Variants in DNMT3B observed in about 807,000 individuals in gnomAD.
The protein encoded by DNMT3B is DNA (cytosine-5)-methyltransferase 3B.
DNMT3B carries 37 observed loss-of-function variants against 120.2 expected under a neutral mutation model. The ratio of observed to expected loss-of-function variants is 0.31; its 90% CI spans 0.24 to 0.40. The LOEUF (loss-of-function observed/expected upper bound fraction) is 0.40. Ranked by LOEUF, DNMT3B falls within the 10% of genes least tolerant of loss-of-function variation. DNMT3B has a pLI of 1.00. For missense variants in DNMT3B, 878 were observed against 1,137.3 expected (o/e 0.77, Z 3.28); for synonymous variants, 412 against 442.8 (o/e 0.93, Z 0.87).
intron 1 of DNMT3B, among the ~76,000 whole-genome samples, chr20:32,767,091 C>G (rs529586281): frequency 6.6e-5 from 10 of 152,018 alleles, no homozygotes; most frequent in African/African-American, 2.4e-4. Flanking sequence ...GGGGTTTCTC[C>G]ATGTTGGTCA....
At chr20:32,780,544 GGA>G (rs1311075405) in intron 2 of DNMT3B, 79 bp downstream of exon 2, 2 of 1,569,436 alleles carry the variant, frequency 1.3e-6, no homozygotes, top group African/African-American at 1.3e-5. Context: ...GAGGCTTTGG[GGA>G]GAGTCTCTGA....
rs188520141 is a variant in DNMT3B, at chr20:32,795,703, C to T, written c.1297+9C>T. Reference sequence around the variant, plus strand: ...CAAGAGCAGCCTGGAAGGTAACGTTCTCTCCCTCCCAGTCATCCCCCTCAC... The same window carrying T: ...CAAGAGCAGCCTGGAAGGTAACGTTTTCTCCCTCCCAGTCATCCCCCTCAC... On this transcript the variant is annotated intron_variant, in intron 12 of 22. Transcript: ENST00000328111. 73 of 1,614,082 alleles carry T rather than the reference C, an allele frequency of 4.5e-5. 1 individual carries two copies. The African/African-American group carries it at 8.7e-4, about 19-fold the overall frequency.
At chr20:32,768,367 T>C (rs1333233490) in intron 1 of DNMT3B, among the ~76,000 whole-genome samples, 1 of 152,104 alleles carries the variant, frequency 6.6e-6, no homozygotes, top group Non-Finnish European at 1.5e-5. Context: ...TAATTTTGTA[T>C]TTTTAGTAGA....
rs752673059 is a variant in DNMT3B at position 32,793,559 on chromosome 20, C to T, written c.1090C>T (p.Arg364Cys). The part of the protein sequence containing the change: ...QPVVNKSKVR[R>C]AGSRKLESRK... ...AGTGGTTAATAAGTCGAAGGTGCGT[C>T]GTGCAGGCAGTAGGAAATTAGAATC... Residue 364 changes from arginine (R) to cysteine (C), a missense_variant, in exon 10 of 23, where the codon CGT (arginine) becomes TGT (cysteine). Arg to Cys is a radical substitution (Grantham distance 180). Coordinates refer to ENST00000328111, the MANE Select transcript of DNMT3B (RefSeq NM_006892.4). The T allele has an allele frequency of 3.1e-6, 5 of 1,614,168 alleles. No individual in the cohort carries two copies. Among genetic ancestry groups the T allele is most frequent in the South Asian group, 1.1e-5 (1 of 91,076 alleles).
intron 22 of DNMT3B, among the ~76,000 whole-genome samples, chr20:32,806,904 T>G (rs1174910991): frequency 6.6e-6 from 1 of 152,274 alleles, no homozygotes; most frequent in Non-Finnish European, 1.5e-5. Flanking sequence ...ACATGTATTC[T>G]GTATTCTGAA....
At chr20:32,801,090 G>A (rs1016169968) in intron 18 of DNMT3B, among the ~76,000 whole-genome samples, 165 bp downstream of exon 18, 3 of 152,196 alleles carry the variant, frequency 2.0e-5, no homozygotes, top group African/African-American at 7.2e-5. Flanking sequence ...CAGCCCACAA[G>A]GGAAATACCC....
intron 1 of DNMT3B, among the ~76,000 whole-genome samples, chr20:32,774,169 TC>T (rs1472164670): frequency 1.3e-5 from 2 of 151,888 alleles, no homozygotes; most frequent in Non-Finnish European, 2.9e-5. Context: ...AGGTGTGGTG[TC>T]CCTCCCTGGG....
intron 1 of DNMT3B, among the ~76,000 whole-genome samples, chr20:32,768,192 ATTTTTTTTTT>A (rs34062797): frequency 2.3e-5 from 3 of 128,706 alleles, no homozygotes; most frequent in African/African-American, 9.0e-5. Context: ...GCTAATTTTA[ATTTTTTTTTT>A]TTTTTTTTTG....
At chr20:32,796,768 C>G (rs775193803) in intron 12 of DNMT3B, 22 bp from the exon 13 acceptor site, 2 of 1,614,174 alleles carry the variant, frequency 1.2e-6, no homozygotes, top group South Asian at 2.2e-5. Context: ...TGCCAAAAGC[C>G]ACAACCCTGT....
chr20:32,780,942 C>T (rs181510249), intron 2 of DNMT3B, among the ~76,000 whole-genome samples: 1 of 152,222 alleles, frequency 6.6e-6, no homozygotes, highest in African/African-American at 2.4e-5. Context: ...CATGGAACTT[C>T]CTGCGAGCGT....
At chr20:32,782,574 G>A (rs958846924) in intron 3 of DNMT3B, among the ~76,000 whole-genome samples, 2 of 152,218 alleles carry the variant, frequency 1.3e-5, no homozygotes, top group Non-Finnish European at 2.9e-5. Flanking sequence ...TGGAAGGACA[G>A]ATTAACCCTG....
rs543492948 is a variant in DNMT3B, at chr20:32,801,543, G to A, written c.2145+117G>A. 1,452 of 1,397,462 alleles carry A rather than the reference G, an allele frequency of 1.0e-3. 20 individuals carry two copies. Among genetic ancestry groups the A allele is most frequent in the Admixed American group, 3.6e-4 (19 of 53,286 alleles). The allele number at this position is 1,397,462 out of a possible 1,614,324, so 86.6% of individuals were successfully genotyped here. A position where few individuals can be genotyped will look rare whatever the true frequency, so the allele number is the denominator to read the frequency against. ...GAATGACTTTCCCGTTCTTGGTCTG[G>A]CTAGATCCAATAGTGAGGGATTCAG... On this transcript the variant is annotated intron_variant, in intron 19 of 22. Coordinates refer to ENST00000328111, the MANE Select transcript of DNMT3B (RefSeq NM_006892.4).
At chr20:32,795,293 C>A (rs1405705373) in intron 10 of DNMT3B, 116 bp from the exon 11 acceptor site, 1 of 1,523,184 alleles carries the variant, frequency 6.6e-7, no homozygotes. Context: ...AGTGTGGACC[C>A]CCTGTCATGC....
At chr20:32,783,912 A>ATTTT (rs3080495) in intron 3 of DNMT3B, among the ~76,000 whole-genome samples, 13 of 134,308 alleles carry the variant, frequency 9.7e-5, no homozygotes, top group African/African-American at 3.5e-4. Flanking sequence ...TTGTATTTGT[A>ATTTT]TTTTTTTTTT....
chr20:32,786,826 GAC>G (rs994933741), intron 5 of DNMT3B, among the ~76,000 whole-genome samples, 199 bp downstream of exon 5: 1 of 152,226 alleles, frequency 6.6e-6, no homozygotes, highest in African/African-American at 2.4e-5. Context: ...GATCTCAGAT[GAC>G]ACTCTGTTGG....
chr20:32,763,721 A>C (rs1373507584), intron 1 of DNMT3B, among the ~76,000 whole-genome samples: 1 of 152,138 alleles, frequency 6.6e-6, no homozygotes, highest in Non-Finnish European at 1.5e-5. Context: ...CTGTGGATGG[A>C]GTTCCGAGCC....
At position 32,765,758 on chromosome 20, in the gene DNMT3B, C is replaced by CT. The variant is rs532836566; in HGVS notation, c.-7+3074dup. Among the ~76,000 whole-genome samples the CT allele has an allele frequency of 1.8e-3, 121 of 67,122 alleles. 1 individual carries two copies. The highest frequency in any genetic ancestry group is 2.8e-3 in the South Asian group (6 of 2,126). 44.0% of individuals were successfully genotyped at this position (67,122 alleles called of 152,430 possible). ...TTATTTATTTATTTTTTCTTTTTTTCTTTTTTTTTTTTTTTGAGACGGAGT... is the reference window on the plus strand; with the variant it reads ...TTATTTATTTATTTTTTCTTTTTTTCTTTTTTTTTTTTTTTTGAGACGGAGT... On this transcript the variant is annotated intron_variant, in intron 1 of 22. Coordinates refer to ENST00000328111, the MANE Select transcript of DNMT3B (RefSeq NM_006892.4).
In DNMT3B at chr20:32,792,699, T is replaced by G; in HGVS notation, c.995T>G (p.Met332Arg). 4 of 1,614,206 alleles carry G rather than the reference T, an allele frequency of 2.5e-6. No homozygotes were observed. Among genetic ancestry groups the G allele is most frequent in the Non-Finnish European group, 3.4e-6 (4 of 1,180,036 alleles). Residue 332 changes from methionine to arginine, a missense_variant, in exon 9 of 23, where the codon ATG becomes AGG. Met to Arg is a moderately conservative substitution (Grantham distance 91). Coordinates refer to ENST00000328111, the MANE Select transcript of DNMT3B (RefSeq NM_006892.4). ...GDSLEDQLKP[M>R]LEWAHGGFKP... is the part of the protein sequence containing the mutation. ...TCATTGGAGGACCAGCTGAAGCCCA[T>G]GTTGGAGTGGGCCCACGGGGGCTTC...
intron 1 of DNMT3B, among the ~76,000 whole-genome samples, chr20:32,767,265 T>C (rs6057641): frequency 0.039 from 5,893 of 152,096 alleles, 359 homozygotes; most frequent in African/African-American, 0.13. Context: ...CCTGAGAATA[T>C]TGTAGGGTTT....
Sources: allele counts gnomAD v4.1 joint callset (sites outside exome capture counted in the v4.1 genomes callset), GRCh38; gene constraint gnomAD v4.1.1; transcripts MANE v1.5; gene names NCBI Gene and HGNC (gene_info 2026-07-23, HGNC 2026-07-21).